ENTREP2: variants seen among roughly 807,000 people sequenced by gnomAD.
The protein encoded by ENTREP2 is endosomal transmembrane epsin interactor 2, also known as protein ENTREP2.
the ENTREP2 span, among the ~76,000 whole-genome samples, chr15:29,571,408 A>G: frequency 1.3e-5 from 2 of 152,116 alleles, no homozygotes; most frequent in African/African-American, 4.8e-5. Flanking sequence ...GGGAGCAGAC[A>G]GGAGGGAAAT....
the ENTREP2 span, among the ~76,000 whole-genome samples, chr15:29,367,260 G>A: frequency 6.6e-6 from 1 of 152,176 alleles, no homozygotes; most frequent in African/African-American, 2.4e-5. Flanking sequence ...CAGCCTGGAA[G>A]CCACTTGAGG....
the ENTREP2 span, among the ~76,000 whole-genome samples, chr15:29,542,388 TC>T: frequency 6.6e-6 from 1 of 151,796 alleles, no homozygotes; most frequent in Middle Eastern, 3.4e-3. Context: ...AAGCTCCACT[TC>T]CCGGGTTCAC....
chr15:29,339,412 T>C, the ENTREP2 span, among the ~76,000 whole-genome samples: 24 of 152,324 alleles, frequency 1.6e-4, no homozygotes, highest in Non-Finnish European at 2.9e-4. Context: ...AGGCATGATA[T>C]GAGAGATCCA....
the ENTREP2 span, among the ~76,000 whole-genome samples, chr15:29,433,850 C>T: frequency 6.6e-5 from 10 of 151,794 alleles, no homozygotes; most frequent in Non-Finnish European, 1.3e-4. Context: ...CTAAAGCGAA[C>T]CACCCTCATC....
the ENTREP2 span, among the ~76,000 whole-genome samples, chr15:29,481,783 T>A: frequency 1.3e-5 from 2 of 152,148 alleles, no homozygotes; most frequent in Non-Finnish European, 2.9e-5. Flanking sequence ...GCAATGGTTC[T>A]CTGACTTCAC....
chr15:29,306,592 C>T, the ENTREP2 span, among the ~76,000 whole-genome samples: 1 of 145,958 alleles, frequency 6.9e-6, no homozygotes. Flanking sequence ...CAGGTTTTTA[C>T]ACTTGTTTCA....
chr15:29,274,452 G>C, the ENTREP2 span, among the ~76,000 whole-genome samples: 1 of 151,564 alleles, frequency 6.6e-6, no homozygotes, highest in African/African-American at 2.4e-5. Flanking sequence ...CCTTGAAAAA[G>C]TAAGGGCTTT....
chr15:29,628,260 T>C, the ENTREP2 span, among the ~76,000 whole-genome samples: 1 of 152,238 alleles, frequency 6.6e-6, no homozygotes, highest in Non-Finnish European at 1.5e-5. Flanking sequence ...TATTGGCCAT[T>C]TGTACAGCTC....
the ENTREP2 span, among the ~76,000 whole-genome samples, chr15:29,411,948 C>T: frequency 6.6e-6 from 1 of 152,174 alleles, no homozygotes; most frequent in Non-Finnish European, 1.5e-5. Context: ...GCATTGTCTT[C>T]CTTTGCACCT....
the ENTREP2 span, among the ~76,000 whole-genome samples, chr15:29,591,747 AG>A: frequency 6.6e-6 from 1 of 151,922 alleles, no homozygotes; most frequent in Non-Finnish European, 1.5e-5. Flanking sequence ...CTGAGGTGGG[AG>A]GATCATTTGA....
At chr15:29,674,903 C>G in the ENTREP2 span, 1 of 152,970 alleles carries the variant, frequency 6.5e-6, no homozygotes, top group Non-Finnish European at 1.5e-5. Flanking sequence ...CCTCCTCGCC[C>G]CTAGTCCCCG....
At chr15:29,439,296 C>G in the ENTREP2 span, among the ~76,000 whole-genome samples, 1 of 87,178 alleles carries the variant, frequency 1.1e-5, no homozygotes, top group African/African-American at 3.8e-5. Context: ...CACACACACA[C>G]ACACACACAC....
the ENTREP2 span, among the ~76,000 whole-genome samples, chr15:29,290,585 T>C: frequency 6.6e-6 from 1 of 152,222 alleles, no homozygotes; most frequent in Non-Finnish European, 1.5e-5. Context: ...TTTTGTTCAC[T>C]GTTATATCCG....
At chr15:29,444,218 G>GAA in the ENTREP2 span, among the ~76,000 whole-genome samples, 3 of 148,138 alleles carry the variant, frequency 2.0e-5, no homozygotes, top group Admixed American at 1.3e-4. Context: ...AAGAAAGAAA[G>GAA]AAAGAAAGAA....
the ENTREP2 span, chr15:29,121,869 C>T: frequency 3.3e-5 from 5 of 152,366 alleles, no homozygotes; most frequent in African/African-American, 1.2e-4. Flanking sequence ...TGGAACCTCA[C>T]CCCCTTCCCA....
the ENTREP2 span, among the ~76,000 whole-genome samples, chr15:29,453,527 G>A: frequency 6.6e-6 from 1 of 152,212 alleles, no homozygotes; most frequent in Non-Finnish European, 1.5e-5. Context: ...ACAGAGCATA[G>A]ACACCCCCAC....
chr15:29,216,013 T>G, the ENTREP2 span, among the ~76,000 whole-genome samples: 1 of 152,218 alleles, frequency 6.6e-6, no homozygotes, highest in Non-Finnish European at 1.5e-5. Context: ...CTGAGTACTT[T>G]GGTTTTTTTG....
At chr15:29,448,244 C>T in the ENTREP2 span, among the ~76,000 whole-genome samples, 3 of 152,180 alleles carry the variant, frequency 2.0e-5, no homozygotes, top group Non-Finnish European at 4.4e-5. Flanking sequence ...CCTACAACAG[C>T]ACCTCGGGGA....
chr15:29,493,745 G>A, the ENTREP2 span, among the ~76,000 whole-genome samples: 1,961 of 152,248 alleles, frequency 0.013, 23 homozygotes, highest in Non-Finnish European at 0.021. Flanking sequence ...GGAGGCTGAG[G>A]TGGGCGAATC....
Sources: allele counts gnomAD v4.1 joint callset (sites outside exome capture counted in the v4.1 genomes callset), GRCh38; gene constraint gnomAD v4.1.1; transcripts MANE v1.5; gene names NCBI Gene and HGNC (gene_info 2026-07-23, HGNC 2026-07-21).